The following ALOX15B variants were observed in gnomAD, a reference collection of about 807,000 sequenced individuals.
The protein encoded by ALOX15B is arachidonate 15-lipoxygenase type B, also known as polyunsaturated fatty acid lipoxygenase ALOX15B.
ALOX15B carries 74 observed loss-of-function variants against 73.8 expected under a neutral mutation model. That is an observed-to-expected ratio of 1.00 (90% CI 0.83 to 1.22). The LOEUF (loss-of-function observed/expected upper bound fraction) is 1.22, where lower values mean the gene tolerates loss of function less well. Ranked by LOEUF, ALOX15B falls within the 50% of genes most tolerant of loss-of-function variation. The probability of loss-of-function intolerance (pLI) is 0.00; values close to 1 mark genes in which losing one functional copy is unlikely to be tolerated. For missense variants in ALOX15B, 896 were observed against 859.9 expected (o/e 1.04, Z -0.52); for synonymous variants, 353 against 357.2 (o/e 0.99, Z 0.13).
At chr17:8,042,326 C>T (rs1351885337) in intron 3 of ALOX15B, 43 bp from the exon 4 acceptor site, 2 of 1,607,560 alleles carry the variant, frequency 1.2e-6, no homozygotes, top group Non-Finnish European at 1.7e-6. Flanking sequence ...CAAAGAGTCT[C>T]CCTGAGGCCT....
rs1479838188 is a variant in ALOX15B, at chr17:8,039,527, C to A, written c.289C>A (p.Pro97Thr). The A allele has an allele frequency of 5.2e-6, 8 of 1,551,886 alleles. No individual in the cohort carries two copies. The highest frequency in any genetic ancestry group is 1.8e-4 in the Middle Eastern group (1 of 5,540). Residue 97 changes from proline (P) to threonine (T), a missense_variant, in exon 2 of 14, where the codon CCG becomes ACG. By Grantham distance (38) the Pro-to-Thr change is conservative. Coordinates refer to ENST00000380183, the MANE Select transcript of ALOX15B (RefSeq NM_001141.3). ...CTGCCGCTGGTTCCAGCTGACACCG[C>A]CGCGGGGCGGCCACCTCCTCTTCCC... Reference protein sequence around the residue: ...WFCRWFQLTPPRGGHLLFPCY... With the variant: ...WFCRWFQLTPTRGGHLLFPCY...
intron 3 of ALOX15B, among the ~76,000 whole-genome samples, chr17:8,040,581 G>A (rs1431475599): frequency 1.7e-5 from 2 of 115,058 alleles, no homozygotes; most frequent in Non-Finnish European, 3.5e-5. Flanking sequence ...GAAAAGGAAG[G>A]AAAGAGAGAA....
rs1976657735 is a variant in ALOX15B at position 8,047,909 on chromosome 17, A to G, written c.1845A>G (p.Gly615=). ...LALWLLSKEP[G]DQRPLGTYPD... is the part of the protein sequence containing the mutation. Reference sequence around the variant, plus strand: ...TCTGGTTGCTGAGCAAGGAGCCTGGAGACCAAGTGAGTGTGGGGCTGGGGG... The same window carrying G: ...TCTGGTTGCTGAGCAAGGAGCCTGGGGACCAAGTGAGTGTGGGGCTGGGGG... The change falls in exon 13 of 14, where the codon GGA becomes GGG. Residue 615 remains glycine (G), a synonymous_variant. Transcript: ENST00000380183. 21 of 1,614,020 alleles carry G rather than the reference A, an allele frequency of 1.3e-5. No homozygotes were observed. Among genetic ancestry groups the G allele is most frequent in the Non-Finnish European group, 1.6e-5 (19 of 1,179,968 alleles).
chr17:8,039,516 A>G lies in ALOX15B; in HGVS notation c.278A>G (p.Gln93Arg). Residue 93 changes from glutamine to arginine, a missense_variant, in exon 2 of 14, where the codon CAG becomes CGG. Coordinates refer to ENST00000380183, the MANE Select transcript of ALOX15B (RefSeq NM_001141.3). The stretch of plus-strand genomic sequence containing the variant: ...GATGCCTGGTTCTGCCGCTGGTTCC[A>G]GCTGACACCGCCGCGGGGCGGCCAC... ...APDAWFCRWF[Q>R]LTPPRGGHLL... 3 of 1,561,876 alleles carry G rather than the reference A, an allele frequency of 1.9e-6. No individual in the cohort carries two copies. The highest frequency in any genetic ancestry group is 2.6e-6 in the Non-Finnish European group (3 of 1,156,790).
intron 8 of ALOX15B, among the ~76,000 whole-genome samples, chr17:8,045,986 G>A (rs1976598469): frequency 7.9e-6 from 1 of 126,258 alleles, no homozygotes; most frequent in African/African-American, 2.9e-5. Context: ...TTTGAACATG[G>A]CTTTGAGAGA....
At position 8,045,225 on chromosome 17, in the gene ALOX15B, CT is replaced by C. The variant is rs1177746792; in HGVS notation, c.850-10del. 1.2e-6 allele frequency: 2 copies of C among 1,614,056 alleles called. No individual in the cohort carries two copies. Among genetic ancestry groups the C allele is most frequent in the African/African-American group, 2.7e-5 (2 of 75,042 alleles). On this transcript the variant is annotated splice_polypyrimidine_tract_variant and intron_variant, in intron 6 of 13. Coordinates refer to ENST00000380183, the MANE Select transcript of ALOX15B (RefSeq NM_001141.3). ...AAACCAGGTGGCAGCCCCAGATCTC[CT>C]TTCTTCTGCAGAAGGGCTCCCTGTT... is the stretch of plus-strand genomic sequence containing the variant.
rs775055125 is a variant in ALOX15B, at chr17:8,047,924, G to GGGGCTGGGGGCC, written c.1851+10_1851+21dup. On this transcript the variant is annotated intron_variant, in intron 13 of 13. Coordinates refer to ENST00000380183, the MANE Select transcript of ALOX15B (RefSeq NM_001141.3). The stretch of plus-strand genomic sequence containing the variant: ...AGGAGCCTGGAGACCAAGTGAGTGT[G>GGGGCTGGGGGCC]GGGCTGGGGGCCAGGCTGGGCCAAA... 1 of 1,613,544 alleles carries GGGGCTGGGGGCC rather than the reference G, an allele frequency of 6.2e-7. No individual in the cohort carries two copies. The highest frequency in any genetic ancestry group is 1.1e-5 in the South Asian group (1 of 90,986).
intron 8 of ALOX15B, 94 bp from the exon 9 acceptor site, chr17:8,046,574 C>A: frequency 7.5e-7 from 1 of 1,325,970 alleles, no homozygotes; most frequent in Non-Finnish European, 1.1e-6. Flanking sequence ...TGCCTCTTTC[C>A]AAGTGACTTG....
chr17:8,047,950 T>C lies in ALOX15B; in HGVS notation c.1851+35T>C, dbSNP rs113529154. ...GGGCTGGGGGCCAGGCTGGGCCAAA[T>C]TGGGGTAAGAGAGGGTGTGATGTTT... On this transcript the variant is annotated intron_variant, in intron 13 of 13. Coordinates refer to ENST00000380183, the MANE Select transcript of ALOX15B (RefSeq NM_001141.3). 6.4e-4 allele frequency: 1,029 copies of C among 1,608,080 alleles called. 12 individuals carry two copies. In the African/African-American group the frequency reaches 0.013, roughly 20 times the overall value.
At chr17:8,042,612 A>T (rs1976492180) in intron 4 of ALOX15B, 121 bp downstream of exon 4, 1 of 1,444,256 alleles carries the variant, frequency 6.9e-7, no homozygotes, top group South Asian at 1.3e-5. Flanking sequence ...CTGCCCAGGA[A>T]ACAGCCTCCT....
chr17:8,043,407 G>A (rs1478499090), intron 5 of ALOX15B, among the ~76,000 whole-genome samples: 1 of 152,138 alleles, frequency 6.6e-6, no homozygotes, highest in Non-Finnish European at 1.5e-5. Flanking sequence ...GAAGACAGAA[G>A]GATCAGCCAC....
intron 5 of ALOX15B, among the ~76,000 whole-genome samples, chr17:8,044,151 G>GGAAGGAAAGAAA (rs796365678): frequency 8.7e-6 from 1 of 114,706 alleles, no homozygotes; most frequent in African/African-American, 3.7e-5. Flanking sequence ...AAGGAAGGAA[G>GGAAGGAAAGAAA]GAAAGAAAGA....
chr17:8,040,646 A>AGAAAGAAAGAAAGAAAGAAAGAAAGAAG (rs1555638499), intron 3 of ALOX15B, among the ~76,000 whole-genome samples: 27 of 123,378 alleles, frequency 2.2e-4, no homozygotes, highest in Middle Eastern at 4.2e-3. Context: ...AAAGAAAGAA[A>AGAAAGAAAGAAAGAAAGAAAGAAAGAAG]GAAAGAAAAG....
At chr17:8,040,595 A>AAGAGAG (rs763288243) in intron 3 of ALOX15B, among the ~76,000 whole-genome samples, 11 of 91,142 alleles carry the variant, frequency 1.2e-4, no homozygotes, top group East Asian at 3.5e-4. Flanking sequence ...GAGAGAAAGA[A>AAGAGAG]AGAGAGAGAA....
At chr17:8,042,753 A>G (rs1249773376) in intron 4 of ALOX15B, 28 bp from the exon 5 acceptor site, 2 of 1,533,044 alleles carry the variant, frequency 1.3e-6, no homozygotes, top group East Asian at 2.4e-5. Flanking sequence ...CCTCCTCCCC[A>G]CTCCCCACCC....
intron 3 of ALOX15B, among the ~76,000 whole-genome samples, chr17:8,040,343 G>C (rs757636927): frequency 6.6e-6 from 1 of 151,938 alleles, no homozygotes; most frequent in Non-Finnish European, 1.5e-5. Flanking sequence ...TCGGGAGTTC[G>C]AGACCAGCCT....
chr17:8,048,520 C>CCTAGACCCT lies in ALOX15B; in HGVS notation c.1986_1987insCTAGACCCT (p.Tyr662_Thr663insLeuAspPro). The stretch of plus-strand genomic sequence containing the variant: ...GGAACCAGGGCCTGGTGCTGCCCTA[C>CCTAGACCCT]ACCTACCTAGACCCTCCCCTCATCG... On this transcript the variant is annotated inframe_insertion, in exon 14 of 14. Coordinates refer to ENST00000380183, the MANE Select transcript of ALOX15B (RefSeq NM_001141.3). 6.2e-7 allele frequency: 1 copy of CCTAGACCCT among 1,614,158 alleles called. No individual in the cohort carries two copies. Among genetic ancestry groups the CCTAGACCCT allele is most frequent in the Non-Finnish European group, 8.5e-7 (1 of 1,180,014 alleles).
chr17:8,039,187 G>T lies in ALOX15B; in HGVS notation c.32G>T (p.Gly11Val). Residue 11 changes from glycine to valine, a missense_variant, in exon 1 of 14, where the codon GGA becomes GTA. Coordinates refer to ENST00000380183, the MANE Select transcript of ALOX15B (RefSeq NM_001141.3). ...GAGTTCAGGGTCAGGGTGTCCACCG[G>T]AGAAGCCTTCGGGGCTGGCACATGG... Reference protein sequence around the residue: MAEFRVRVSTGEAFGAGTWDK... With the variant: MAEFRVRVSTVEAFGAGTWDK... 6.2e-7 allele frequency: 1 copy of T among 1,613,430 alleles called. No individual in the cohort carries two copies. Among genetic ancestry groups the T allele is most frequent in the Non-Finnish European group, 8.5e-7 (1 of 1,179,738 alleles).
intron 5 of ALOX15B, 72 bp from the exon 6 acceptor site, chr17:8,044,757 T>G: frequency 4.5e-5 from 30 of 662,216 alleles, no homozygotes; most frequent in Non-Finnish European, 5.5e-5. Context: ...GGTAACCCCG[T>G]CCCCGTGTCC....
Sources: gnomAD v4.1 joint callset for allele counts (sites outside exome capture counted in the v4.1 genomes callset) on GRCh38, gnomAD v4.1.1 for gene constraint, MANE v1.5 for transcripts, NCBI Gene and HGNC (gene_info 2026-07-23, HGNC 2026-07-21) for gene names.